SMAP1: variants seen among roughly 807,000 people sequenced by gnomAD.
SMAP1 encodes the protein stromal membrane-associated protein 1.
Under a neutral mutation model 58.5 loss-of-function variants are expected in SMAP1, and 24 were observed. The observed-to-expected ratio is 0.41, with a 90% CI of 0.30 to 0.58. The LOEUF is 0.58. Ranked by LOEUF, SMAP1 falls within the 20% of genes least tolerant of loss-of-function variation. SMAP1 has a pLI of 0.29. For synonymous variants in SMAP1, 216 were observed against 196.6 expected (o/e 1.10, Z -0.82); for missense variants, 563 against 566.3 (o/e 0.99, Z 0.06).
intron 5 of SMAP1, among the ~76,000 whole-genome samples, chr6:70,795,111 A>G (rs1174595499): frequency 6.6e-6 from 1 of 152,120 alleles, no homozygotes; most frequent in East Asian, 1.9e-4. Context: ...GCTGCAGTAA[A>G]CATAGATGTG....
At chr6:70,744,906 C>T (rs1765964168) in intron 2 of SMAP1, among the ~76,000 whole-genome samples, 1 of 152,194 alleles carries the variant, frequency 6.6e-6, no homozygotes, top group South Asian at 2.1e-4. Context: ...TTTTGATTTG[C>T]ATTTGTCTGA....
chr6:70,780,124 A>G (rs1290610181), intron 4 of SMAP1, among the ~76,000 whole-genome samples: 1 of 152,164 alleles, frequency 6.6e-6, no homozygotes, highest in South Asian at 2.1e-4. Flanking sequence ...CCTGCCCACA[A>G]TCTCAGGGTT....
chr6:70,798,296 A>G (rs1169168071), intron 5 of SMAP1, among the ~76,000 whole-genome samples: 14 of 151,064 alleles, frequency 9.3e-5, no homozygotes, highest in Admixed American at 3.9e-4. Context: ...TTCAAAATTC[A>G]ACTTCGTGAT....
chr6:70,704,796 C>G (rs1352526460), intron 1 of SMAP1, among the ~76,000 whole-genome samples: 1 of 152,202 alleles, frequency 6.6e-6, no homozygotes, highest in Non-Finnish European at 1.5e-5. Context: ...GCATCTAATT[C>G]AGAGTGTCAT....
intron 1 of SMAP1, among the ~76,000 whole-genome samples, chr6:70,728,249 AG>A (rs1265122475): frequency 6.6e-6 from 1 of 152,158 alleles, no homozygotes; most frequent in African/African-American, 2.4e-5. Context: ...GGAAGAGGCC[AG>A]GGGAACACAG....
intron 3 of SMAP1, among the ~76,000 whole-genome samples, chr6:70,770,348 G>C (rs192905673): frequency 0.012 from 1,760 of 152,152 alleles, 15 homozygotes; most frequent in Non-Finnish European, 0.015. Flanking sequence ...GAGTGTTTTC[G>C]ACCTTGGTTC....
chr6:70,773,337 T>G lies in SMAP1; in HGVS notation c.339-13T>G. On this transcript the variant is annotated splice_polypyrimidine_tract_variant and intron_variant, in intron 3 of 10. Coordinates refer to ENST00000370455, the MANE Select transcript of SMAP1 (RefSeq NM_001044305.3). ...ACTGAATTCATGCTTTTCCTTAAGT[T>G]ATCTGTTTTCAGAGCAGTGGAATTT... 1.3e-6 allele frequency: 2 copies of G among 1,508,984 alleles called. No individual in the cohort carries two copies. Among genetic ancestry groups the G allele is most frequent in the Non-Finnish European group, 1.8e-6 (2 of 1,095,260 alleles). 93.5% of individuals were successfully genotyped at this position (1,508,984 alleles called of 1,614,324 possible).
chr6:70,724,661 A>T (rs945173221), intron 1 of SMAP1, among the ~76,000 whole-genome samples: 2 of 152,184 alleles, frequency 1.3e-5, no homozygotes, highest in Admixed American at 6.5e-5. Context: ...GAAGTTTATA[A>T]AGGTTTTGCA....
chr6:70,702,321 G>A (rs546521349), intron 1 of SMAP1, among the ~76,000 whole-genome samples: 1 of 151,460 alleles, frequency 6.6e-6, no homozygotes, highest in South Asian at 2.1e-4. Flanking sequence ...CTCTTAATTT[G>A]GGAATTCCAA....
chr6:70,677,429 CTTCTTTTTTTTTTTTTTTTTT>C (rs1333057103), intron 1 of SMAP1, among the ~76,000 whole-genome samples: 1 of 109,494 alleles, frequency 9.1e-6, no homozygotes, highest in Non-Finnish European at 1.8e-5. Context: ...TACCTTGTCA[CTTCTTTTTTTTTTTTTTTTTT>C]TTTTTTTTTT....
At chr6:70,717,812 A>G (rs1416905440) in intron 1 of SMAP1, among the ~76,000 whole-genome samples, 1 of 152,214 alleles carries the variant, frequency 6.6e-6, no homozygotes, top group Non-Finnish European at 1.5e-5. Flanking sequence ...CTAGCATGGC[A>G]TCTTTAAGAA....
At chr6:70,758,271 C>CA (rs1364091250) in intron 3 of SMAP1, among the ~76,000 whole-genome samples, 1 of 150,174 alleles carries the variant, frequency 6.7e-6, no homozygotes, top group African/African-American at 2.5e-5. Context: ...ATCGCAAGAA[C>CA]AAAAAACCAA....
In SMAP1 at chr6:70,732,385, A is replaced by G. The variant is rs183002924; in HGVS notation, c.126A>G (p.Arg42=). 11 of 1,605,236 alleles carry G rather than the reference A, an allele frequency of 6.9e-6. No homozygotes were observed. In the African/African-American group the frequency reaches 1.1e-4, roughly 16 times the overall value. ...TTTCTTCTTCTAAATTAGGTCCTCG[A>G]TGGGCTTCCTGGAATATTGGTGTGT... ...YCADCEAKGP[R]WASWNIGVFI... Residue 42 remains arginine (R), a synonymous_variant, in exon 2 of 11, where the codon CGA becomes CGG. Transcript: ENST00000370455.
chr6:70,706,671 T>G (rs1336261089), intron 1 of SMAP1, among the ~76,000 whole-genome samples: 1 of 152,020 alleles, frequency 6.6e-6, no homozygotes, highest in African/African-American at 2.4e-5. Context: ...ATACATGCCT[T>G]TAAACAAATG....
chr6:70,742,174 C>T (rs536996502), intron 2 of SMAP1, among the ~76,000 whole-genome samples: 2 of 152,310 alleles, frequency 1.3e-5, no homozygotes, highest in South Asian at 2.1e-4. Flanking sequence ...TTTCTGCAAC[C>T]GGGTTGAATT....
At chr6:70,842,320 C>T (rs1207101343) in intron 7 of SMAP1, among the ~76,000 whole-genome samples, 1 of 152,140 alleles carries the variant, frequency 6.6e-6, no homozygotes, top group Non-Finnish European at 1.5e-5. Context: ...TTGGTTTATT[C>T]TTATGTAGTC....
chr6:70,743,975 T>C (rs900390673), intron 2 of SMAP1, among the ~76,000 whole-genome samples: 1 of 152,224 alleles, frequency 6.6e-6, no homozygotes, highest in African/African-American at 2.4e-5. Flanking sequence ...GATTATGCCC[T>C]ATATTTTCTT....
At chr6:70,706,179 C>T (rs552611683) in intron 1 of SMAP1, among the ~76,000 whole-genome samples, 13 of 152,218 alleles carry the variant, frequency 8.5e-5, no homozygotes, top group African/African-American at 3.1e-4. Flanking sequence ...TTTTTGACAA[C>T]GAAGTTGGTG....
intron 7 of SMAP1, among the ~76,000 whole-genome samples, chr6:70,846,484 C>T (rs1416967468): frequency 3.9e-5 from 6 of 152,088 alleles, no homozygotes; most frequent in Non-Finnish European, 4.4e-5. Flanking sequence ...AAGAACATTC[C>T]GATGCCATAA....
Sources: allele counts gnomAD v4.1 joint callset (sites outside exome capture counted in the v4.1 genomes callset), GRCh38; gene constraint gnomAD v4.1.1; transcripts MANE v1.5; gene names NCBI Gene and HGNC (gene_info 2026-07-23, HGNC 2026-07-21).